NWD1: variants seen among roughly 807,000 people sequenced by gnomAD.
NWD1 encodes the protein NACHT and WD repeat domain containing 1.
Under a neutral mutation model 135.1 loss-of-function variants are expected in NWD1, and 129 were observed. That is an observed-to-expected ratio of 0.96 (90% CI 0.83 to 1.11). The LOEUF is 1.11. Ranked by LOEUF, NWD1 falls within the 50% of genes least tolerant of loss-of-function variation. The pLI is 0.00. For missense variants in NWD1, 1,740 were observed against 1,851.3 expected, an observed-to-expected ratio of 0.94 and a Z score of 1.10; for synonymous variants, 773 against 786.0, an observed-to-expected ratio of 0.98 and a Z score of 0.28.
At chr19:16,783,851 T>C (rs1473488320) in intron 12 of NWD1, among the ~76,000 whole-genome samples, 2 of 152,234 alleles carry the variant, frequency 1.3e-5, no homozygotes, top group East Asian at 3.9e-4. Flanking sequence ...AACAATGCAG[T>C]ATAACAACTA....
chr19:16,737,964 C>T (rs1026449314), intron 4 of NWD1, among the ~76,000 whole-genome samples: 1 of 124,540 alleles, frequency 8.0e-6, no homozygotes, highest in African/African-American at 3.3e-5. Flanking sequence ...GACTCTATCT[C>T]GAAAAGAAAA....
At chr19:16,768,518 C>T (rs1969307865) in intron 10 of NWD1, among the ~76,000 whole-genome samples, 1 of 152,148 alleles carries the variant, frequency 6.6e-6, no homozygotes, top group South Asian at 2.1e-4. Flanking sequence ...AAAAGCTACA[C>T]CATTTTATAA....
intron 6 of NWD1, 133 bp from the exon 7 acceptor site, chr19:16,759,092 G>A: frequency 1.4e-6 from 1 of 716,168 alleles, no homozygotes; most frequent in Non-Finnish European, 2.5e-6. Flanking sequence ...TGTGGGCGCT[G>A]TCCAAATGCT....
At chr19:16,790,825 A>T (rs1354792392) in intron 13 of NWD1, among the ~76,000 whole-genome samples, 1 of 152,146 alleles carries the variant, frequency 6.6e-6, no homozygotes, top group African/African-American at 2.4e-5. Flanking sequence ...TATAATACTA[A>T]AATTGATTTC....
At chr19:16,807,060 C>A (rs992889471) in intron 17 of NWD1, among the ~76,000 whole-genome samples, 2 of 151,132 alleles carry the variant, frequency 1.3e-5, no homozygotes, top group East Asian at 3.9e-4. Flanking sequence ...CAGTGGCAGG[C>A]GCCTGTAGTC....
At chr19:16,733,939 T>C (rs1041337456) in intron 3 of NWD1, among the ~76,000 whole-genome samples, 4 of 151,990 alleles carry the variant, frequency 2.6e-5, no homozygotes, top group African/African-American at 9.7e-5. Context: ...CCACTTGTCT[T>C]AAGAATCTAT....
chr19:16,762,026 G>A lies in NWD1; in HGVS notation c.2021G>A (p.Arg674Lys). 6.2e-7 allele frequency: 1 copy of A among 1,614,044 alleles called. No homozygotes were observed. Among genetic ancestry groups the A allele is most frequent in the Non-Finnish European group, 8.5e-7 (1 of 1,179,968 alleles). The change falls in exon 8 of 19, where the codon AGA becomes AAA. Residue 674 changes from arginine (R) to lysine (K), a missense_variant. By Grantham distance (26) the Arg-to-Lys change is conservative (BLOSUM62 2). Transcript: ENST00000524140. Reference sequence around the variant, plus strand: ...GAGCGCTACCTGTCAGGATCCGAGAGAGCCAAGAGGCATGGCGTCCTGGCC... The same window carrying A: ...GAGCGCTACCTGTCAGGATCCGAGAAAGCCAAGAGGCATGGCGTCCTGGCC... ...VRERYLSGSE[R>K]AKRHGVLADF... is the part of the protein sequence containing the mutation.
rs113329073 is a variant in NWD1 at position 16,750,961 on chromosome 19, C to T, written c.1769+550C>T. 9.9e-3 allele frequency among the ~76,000 whole-genome samples: 1,506 copies of T among 152,242 alleles called. 10 individuals carry two copies. The highest frequency in any genetic ancestry group is 0.015 in the Non-Finnish European group (1,051 of 68,012). On this transcript the variant is annotated intron_variant, in intron 6 of 18. Transcript: ENST00000524140. ...ACTAGGCCAGGCGTGGTGGCTCACACCTGTAATTCCAGCACTTTGGGAGGC... is the reference window on the plus strand; with the variant it reads ...ACTAGGCCAGGCGTGGTGGCTCACATCTGTAATTCCAGCACTTTGGGAGGC...
chr19:16,812,748 T>C (rs1180995439), intron 18 of NWD1: 2 of 780,954 alleles, frequency 2.6e-6, no homozygotes, highest in Non-Finnish European at 4.8e-6. Flanking sequence ...TCAACAGAGT[T>C]CTTACTGCAG....
chr19:16,779,692 C>A (rs770466830), intron 12 of NWD1, among the ~76,000 whole-genome samples: 2 of 152,044 alleles, frequency 1.3e-5, no homozygotes, highest in African/African-American at 4.8e-5. Context: ...GGCTGGAGTG[C>A]AGTGGTGTGT....
At position 16,755,343 on chromosome 19, in the gene NWD1, G is replaced by C. The variant is rs1968749188; in HGVS notation, c.1770-3882G>C. Among the ~76,000 whole-genome samples, 9 of 151,662 alleles carry C rather than the reference G, an allele frequency of 5.9e-5. No homozygotes were observed. The South Asian group carries it at 1.7e-3, about 28-fold the overall frequency. Reference sequence around the variant, plus strand: ...CGATCCTCCCATCTCAGCCCCCTCTGAGTAGCTGAGACTACAGGTGCATGC... The same window carrying C: ...CGATCCTCCCATCTCAGCCCCCTCTCAGTAGCTGAGACTACAGGTGCATGC... On this transcript the variant is annotated intron_variant, in intron 6 of 18. Transcript: ENST00000524140.
chr19:16,792,580 G>T (rs1970284358), intron 14 of NWD1, among the ~76,000 whole-genome samples: 1 of 152,138 alleles, frequency 6.6e-6, no homozygotes, highest in Admixed American at 6.6e-5. Flanking sequence ...TACTTGGGAG[G>T]CTGAGGCAGG....
intron 17 of NWD1, among the ~76,000 whole-genome samples, chr19:16,801,159 A>G (rs564830006): frequency 1.1e-4 from 16 of 152,158 alleles, no homozygotes; most frequent in Admixed American, 9.2e-4. Context: ...CATGCCTGTA[A>G]TCCCAGCTAC....
chr19:16,729,264 G>A (rs1226432637), intron 2 of NWD1, among the ~76,000 whole-genome samples: 3 of 152,140 alleles, frequency 2.0e-5, no homozygotes, highest in South Asian at 4.1e-4. Flanking sequence ...CTGTGTGACC[G>A]GACCCTGCTC....
At chr19:16,762,207 C>T (rs1225443634) in intron 8 of NWD1, 69 bp downstream of exon 8, 18 of 1,465,290 alleles carry the variant, frequency 1.2e-5, no homozygotes, top group Non-Finnish European at 1.7e-5. Context: ...CACCTCCTTC[C>T]TTCCCCTTTT....
At chr19:16,804,920 G>A (rs1970707280) in intron 17 of NWD1, among the ~76,000 whole-genome samples, 1 of 151,900 alleles carries the variant, frequency 6.6e-6, no homozygotes, top group Non-Finnish European at 1.5e-5. Context: ...GAACTCCTGG[G>A]CTCAAGCGAT....
Position 16,749,968 on chromosome 19 carries a change from G to C in NWD1, c.1326G>C (p.Leu442=), listed in dbSNP as rs1256472073. 1 of 1,613,816 alleles carries C rather than the reference G, an allele frequency of 6.2e-7. No individual in the cohort carries two copies. The highest frequency in any genetic ancestry group is 2.2e-5 in the East Asian group (1 of 44,880). Residue 442 remains leucine (L), a synonymous_variant, in exon 6 of 19, where the codon CTG becomes CTC. Transcript: ENST00000524140. ...TCCTGCTGGATGCTATGGATGACCT[G>C]GACTCTGTCCGCCATGCTCGGAGGG... is the stretch of plus-strand genomic sequence containing the variant. ...LVLLLDAMDD[L]DSVRHARRVP...
Position 16,736,732 on chromosome 19 carries a change from C to T in NWD1, c.180C>T (p.Ser60=). 1 of 1,533,506 alleles carries T rather than the reference C, an allele frequency of 6.5e-7. No individual in the cohort carries two copies. Among genetic ancestry groups the T allele is most frequent in the South Asian group, 1.2e-5 (1 of 84,014 alleles). The allele number at this position is 1,533,506 out of a possible 1,614,324, so 95.0% of individuals were successfully genotyped here. ...LEEVDRCWKT[S]IGPAFVALIG... Reference sequence around the variant, plus strand: ...AGGTTGACCGGTGTTGGAAAACATCCATAGGGCCAGCTTTTGTTGTGAGTG... The same window carrying T: ...AGGTTGACCGGTGTTGGAAAACATCTATAGGGCCAGCTTTTGTTGTGAGTG... The change falls in exon 4 of 19, where the codon TCC becomes TCT. Residue 60 remains serine (S), a synonymous_variant. Coordinates refer to ENST00000524140, the MANE Select transcript of NWD1 (RefSeq NM_001007525.5).
intron 4 of NWD1, among the ~76,000 whole-genome samples, chr19:16,739,846 G>A (rs187897485): frequency 1.3e-5 from 2 of 152,268 alleles, no homozygotes; most frequent in Admixed American, 1.3e-4. Flanking sequence ...GGTGGGAACT[G>A]TTCCTATTTC....
Sources: allele counts gnomAD v4.1 joint callset (sites outside exome capture counted in the v4.1 genomes callset), GRCh38; gene constraint gnomAD v4.1.1; transcripts MANE v1.5; gene names NCBI Gene and HGNC (gene_info 2026-07-23, HGNC 2026-07-21).